The following LHPP variants were observed in gnomAD, a reference collection of about 807,000 sequenced individuals.
The protein encoded by LHPP is hLHPP.
LHPP carries 24 observed loss-of-function variants against 30.3 expected under a neutral mutation model. The ratio of observed to expected loss-of-function variants is 0.79; its 90% CI spans 0.57 to 1.11. The LOEUF (loss-of-function observed/expected upper bound fraction) is 1.11, where lower values mean the gene tolerates loss of function less well. LHPP is among the 50% of genes most tolerant of loss of function. The pLI, the probability that LHPP is intolerant of heterozygous loss-of-function variation, is 0.00. For synonymous variants in LHPP, 150 were observed against 157.1 expected (o/e 0.95, Z 0.34); for missense variants, 356 against 367.2 (o/e 0.97, Z 0.25).
intron 6 of LHPP, among the ~76,000 whole-genome samples, chr10:124,560,606 T>C (rs1948380135): frequency 6.6e-6 from 1 of 152,204 alleles, no homozygotes; most frequent in South Asian, 2.1e-4. Context: ...TGGGTCTCCG[T>C]GGTGATTCTG....
intron 6 of LHPP, among the ~76,000 whole-genome samples, chr10:124,606,376 C>T (rs534832442): frequency 6.6e-6 from 1 of 152,328 alleles, no homozygotes; most frequent in African/African-American, 2.4e-5. Context: ...GCCCCACTCC[C>T]TCTCCCATCA....
At position 124,483,790 on chromosome 10, in the gene LHPP, G is replaced by A. The variant is rs554204735; in HGVS notation, c.126-349G>A. Reference sequence around the variant, plus strand: ...AAGAAATAAAAAAAATAAAGAAGTGGCACAGGTAGAGAGGCGGGGGGACAG... The same window carrying A: ...AAGAAATAAAAAAAATAAAGAAGTGACACAGGTAGAGAGGCGGGGGGACAG... On this transcript the variant is annotated intron_variant, in intron 1 of 6. Coordinates refer to ENST00000368842, the MANE Select transcript of LHPP (RefSeq NM_022126.4). Among the ~76,000 whole-genome samples the A allele has an allele frequency of 5.6e-4, 84 of 150,852 alleles. 1 individual carries two copies. Among genetic ancestry groups the A allele is most frequent in the Admixed American group, 1.5e-3 (22 of 15,108 alleles).
At chr10:124,578,467 GTC>G (rs1199415466) in intron 6 of LHPP, among the ~76,000 whole-genome samples, 1 of 152,236 alleles carries the variant, frequency 6.6e-6, no homozygotes, top group African/African-American at 2.4e-5. Context: ...GTTCTTGAGT[GTC>G]TCTGAGGTGG....
At chr10:124,608,651 T>C (rs1388937708) in intron 6 of LHPP, among the ~76,000 whole-genome samples, 2 of 152,152 alleles carry the variant, frequency 1.3e-5, no homozygotes, top group Admixed American at 1.3e-4. Context: ...TTTACTGAGC[T>C]AGCCAGCCGT....
intron 6 of LHPP, among the ~76,000 whole-genome samples, chr10:124,530,246 G>A (rs1954860566): frequency 6.6e-6 from 1 of 151,912 alleles, no homozygotes; most frequent in Non-Finnish European, 1.5e-5. Flanking sequence ...GTCCCAGCCT[G>A]GTGGACCTCT....
intron 1 of LHPP, among the ~76,000 whole-genome samples, chr10:124,476,398 G>A (rs987894882): frequency 6.6e-6 from 1 of 152,216 alleles, no homozygotes; most frequent in Non-Finnish European, 1.5e-5. Flanking sequence ...CCAGGGGCCC[G>A]TGGCATCTCT....
intron 5 of LHPP, chr10:124,498,373 C>A: frequency 1.3e-6 from 2 of 1,557,278 alleles, no homozygotes; most frequent in Non-Finnish European, 1.7e-6. Flanking sequence ...TGCGGCTTTT[C>A]CTGAGTTTTT....
intron 6 of LHPP, among the ~76,000 whole-genome samples, chr10:124,533,315 C>A (rs924203636): frequency 1.3e-5 from 2 of 152,246 alleles, no homozygotes; most frequent in African/African-American, 4.8e-5. Flanking sequence ...ATGCACCCCC[C>A]AGAGCGGCTT....
intron 6 of LHPP, among the ~76,000 whole-genome samples, chr10:124,600,748 C>G (rs561202386): frequency 2.0e-5 from 3 of 152,302 alleles, no homozygotes; most frequent in African/African-American, 7.2e-5. Context: ...GGAGGGACTG[C>G]CCCCCAGCCC....
At chr10:124,591,020 T>G (rs960834746) in intron 6 of LHPP, among the ~76,000 whole-genome samples, 19 of 152,166 alleles carry the variant, frequency 1.2e-4, no homozygotes, top group Non-Finnish European at 4.4e-5. Context: ...AATTCCTGTT[T>G]CCTCAAGTCT....
chr10:124,474,801 G>C (rs543639408), intron 1 of LHPP, among the ~76,000 whole-genome samples: 2 of 152,136 alleles, frequency 1.3e-5, no homozygotes, highest in African/African-American at 4.8e-5. Context: ...CTGGGGCTCA[G>C]TTCACCCTGG....
At chr10:124,467,390 G>A (rs1952583195) in intron 1 of LHPP, among the ~76,000 whole-genome samples, 1 of 151,484 alleles carries the variant, frequency 6.6e-6, no homozygotes, top group Non-Finnish European at 1.5e-5. Context: ...AGGGTGGAGA[G>A]GGGGCAGGGA....
chr10:124,576,397 C>T lies in LHPP; in HGVS notation c.717-36867C>T, dbSNP rs895696561. ...CCCCCAGGACCCCCCTTGCGGTACC[C>T]GTATATCCCACCCCCAGACTCCTTT... is the stretch of plus-strand genomic sequence containing the variant. On this transcript the variant is annotated intron_variant, in intron 6 of 6. Coordinates refer to ENST00000368842, the MANE Select transcript of LHPP (RefSeq NM_022126.4). This position sits in a 1 kb window ranked among gnomAD's most constrained non-coding sequence, Gnocchi z 4.2. 4.0e-5 allele frequency among the ~76,000 whole-genome samples: 6 copies of T among 151,492 alleles called. No individual in the cohort carries two copies. Among genetic ancestry groups the T allele is most frequent in the African/African-American group, 7.3e-5 (3 of 41,166 alleles).
chr10:124,470,225 G>C (rs1952686939), intron 1 of LHPP, among the ~76,000 whole-genome samples: 1 of 152,202 alleles, frequency 6.6e-6, no homozygotes, highest in Non-Finnish European at 1.5e-5. Flanking sequence ...GGAGGCATCT[G>C]CATGTGAAAG....
At chr10:124,471,258 A>T (rs907986937) in intron 1 of LHPP, among the ~76,000 whole-genome samples, 3 of 150,864 alleles carry the variant, frequency 2.0e-5, no homozygotes, top group Non-Finnish European at 4.4e-5. Flanking sequence ...TGCCCAAGGC[A>T]TGTGTTTGGT....
intron 6 of LHPP, among the ~76,000 whole-genome samples, chr10:124,531,126 G>A (rs538599733): frequency 4.9e-4 from 75 of 152,176 alleles, no homozygotes; most frequent in African/African-American, 1.6e-3. Flanking sequence ...CCTCTTCTTT[G>A]GCCTGCCTGG....
At chr10:124,578,759 C>T (rs765328152) in intron 6 of LHPP, among the ~76,000 whole-genome samples, 25 of 152,172 alleles carry the variant, frequency 1.6e-4, no homozygotes, top group Admixed American at 4.6e-4. Context: ...CTGCCCTCCC[C>T]GCTTGCACCC....
At chr10:124,539,350 G>C (rs1955116445) in intron 6 of LHPP, among the ~76,000 whole-genome samples, 3 of 152,204 alleles carry the variant, frequency 2.0e-5, no homozygotes, top group Admixed American at 2.0e-4. Context: ...AGTTGGCCGG[G>C]TGAGGTGGCC....
intron 6 of LHPP, among the ~76,000 whole-genome samples, chr10:124,522,727 C>CCT (rs200511066): frequency 6.7e-6 from 1 of 148,984 alleles, no homozygotes; most frequent in Non-Finnish European, 1.5e-5. Flanking sequence ...GCCCACGCCC[C>CCT]CCCCCAAGCA....
Sources: allele counts gnomAD v4.1 joint callset (sites outside exome capture counted in the v4.1 genomes callset), GRCh38; gene constraint gnomAD v4.1.1; non-coding constraint Gnocchi (gnomAD v3.1); transcripts MANE v1.5; gene names NCBI Gene and HGNC (gene_info 2026-07-23, HGNC 2026-07-21).